RPL31: variants seen among roughly 807,000 people sequenced by gnomAD.
RPL31 encodes large ribosomal subunit protein eL31.
For synonymous variants in RPL31, 51 were observed against 55.0 expected (o/e 0.93, Z 0.32); for missense variants, 95 against 164.0 (o/e 0.58, Z 2.30).
chr2:101,004,343 C>T, intron 3 of RPL31, 60 bp downstream of exon 3: 8 of 1,581,324 alleles, frequency 5.1e-6, no homozygotes, highest in Non-Finnish European at 6.9e-6. Context: ...TTCACTTAAC[C>T]CTGCAAGAGC....
At chr2:101,011,931 T>A (rs753470008), downstream of RPL31, among the ~76,000 whole-genome samples, 2 of 152,234 alleles carry the variant, frequency 1.3e-5, no homozygotes, top group Non-Finnish European at 2.9e-5. Flanking sequence ...GTGGAGTAAT[T>A]GGTAATGATG....
At chr2:101,018,367 T>A (rs1679811988) in intron 4 of RPL31, 1 of 157,964 alleles carries the variant, frequency 6.3e-6, no homozygotes, top group Non-Finnish European at 1.4e-5. Context: ...GTGCTTTTTT[T>A]TAAAAAGCCA....
intron 4 of RPL31, chr2:101,017,996 C>T: frequency 1.1e-5 from 16 of 1,449,726 alleles, no homozygotes; most frequent in Non-Finnish European, 1.4e-5. Context: ...CCAATGCTCG[C>T]AATTCTACTT....
intron 4 of RPL31, among the ~76,000 whole-genome samples, chr2:101,016,137 A>G (rs1461343502): frequency 7.2e-5 from 11 of 152,358 alleles, no homozygotes; most frequent in African/African-American, 1.7e-4. Flanking sequence ...TGAACACGCA[A>G]TCTTCAAAAT....
At chr2:101,012,748 T>C (rs13017465) in intron 4 of RPL31, among the ~76,000 whole-genome samples, 28,597 of 152,212 alleles carry the variant, frequency 0.19, 2,906 homozygotes, top group Middle Eastern at 0.32. Flanking sequence ...AGGTTCCCCA[T>C]ATTTTAAAAA....
downstream of RPL31, among the ~76,000 whole-genome samples, chr2:101,009,020 T>C (rs1458537373): frequency 6.6e-6 from 1 of 152,176 alleles, no homozygotes; most frequent in Non-Finnish European, 1.5e-5. Flanking sequence ...GAGACACTGC[T>C]GCTGAAATTG....
chr2:101,006,194 G>A, intron 4 of RPL31, 123 bp downstream of exon 4: 1 of 1,508,948 alleles, frequency 6.6e-7, no homozygotes, highest in Non-Finnish European at 8.9e-7. Flanking sequence ...TAAATTGTTG[G>A]TGTGGGAAGA....
chr2:101,015,260 C>T (rs551898662), intron 4 of RPL31, among the ~76,000 whole-genome samples: 1 of 152,164 alleles, frequency 6.6e-6, no homozygotes, highest in Non-Finnish European at 1.5e-5. Context: ...AAATGGTATA[C>T]CTGTATAGAC....
At chr2:101,018,937 T>A in intron 4 of RPL31, 2 of 1,585,822 alleles carry the variant, frequency 1.3e-6, no homozygotes, top group Non-Finnish European at 1.7e-6. Context: ...TCTTCTGGAA[T>A]GCTCTTCGTC....
chr2:101,016,154 A>C (rs1679617602), intron 4 of RPL31, among the ~76,000 whole-genome samples: 1 of 152,258 alleles, frequency 6.6e-6, no homozygotes. Context: ...AAATGGGAGA[A>C]AATTTTCGCA....
At chr2:101,009,528 ACAT>A (rs370171391), downstream of RPL31, among the ~76,000 whole-genome samples, 10 of 152,210 alleles carry the variant, frequency 6.6e-5, 1 homozygote, top group African/African-American at 1.7e-4. Flanking sequence ...TTTGTTTGAA[ACAT>A]CATCTATAGA....
At chr2:101,008,837 A>T (rs542957669), downstream of RPL31, among the ~76,000 whole-genome samples, 6 of 152,240 alleles carry the variant, frequency 3.9e-5, no homozygotes, top group Admixed American at 6.5e-5. Context: ...AAACCACAGC[A>T]ACGTACAGAT....
chr2:101,004,394 T>TA (rs34386800), intron 3 of RPL31, 111 bp downstream of exon 3: 9,955 of 900,774 alleles, frequency 0.011, 1 homozygote, highest in East Asian at 0.023. Flanking sequence ...TGTGGAAGTA[T>TA]AAAAAAAAAA....
chr2:101,019,165 G>GCCA, exon 5 of RPL31: 5 of 1,343,552 alleles, frequency 3.7e-6, no homozygotes, highest in Non-Finnish European at 5.1e-6. Flanking sequence ...CTGGCAGAGG[G>GCCA]CCAGGCCTGT....
At chr2:101,018,077 T>TA (rs1679784588) in intron 4 of RPL31, 1 of 738,120 alleles carries the variant, frequency 1.4e-6, no homozygotes, top group Non-Finnish European at 2.2e-6. Flanking sequence ...TCTAGGCTAA[T>TA]GGGACTAGAT....
rs137999577 is a variant in RPL31, at chr2:101,018,944, C to T, written c.347-54C>T. On this transcript the variant is annotated intron_variant, in intron 4 of 4. Coordinates refer to the RPL31 transcript ENST00000409028. Reference sequence around the variant, plus strand: ...TGTCCTAATCTTCTGGAATGCTCTTCGTCTGTGTGTTACCTGACATGGTAC... The same window carrying T: ...TGTCCTAATCTTCTGGAATGCTCTTTGTCTGTGTGTTACCTGACATGGTAC... The T allele has an allele frequency of 7.6e-4, 1,216 of 1,593,146 alleles. 7 individuals carry two copies. The African/African-American group carries it at 8.6e-3, about 11-fold the overall frequency.
rs1332390463 is a variant in RPL31 at position 101,002,327 on chromosome 2, T to G, written c.-1+12T>G. The G allele has an allele frequency of 2.0e-5, 4 of 204,622 alleles. No homozygotes were observed. Among genetic ancestry groups the G allele is most frequent in the South Asian group, 8.8e-5 (1 of 11,418 alleles). The allele number at this position is 204,622 out of a possible 1,614,324, so 12.7% of individuals were successfully genotyped here. On this transcript the variant is annotated intron_variant, in intron 1 of 4. Transcript: ENST00000264258. ...TTGGACGCTGCAGAGTGAGTATGGG[T>G]GGCGGAGTCTGGGCTCCTGGAATCC... is the stretch of plus-strand genomic sequence containing the variant.
chr2:101,004,088 G>A, intron 2 of RPL31, 70 bp from the exon 3 acceptor site: 1 of 1,536,362 alleles, frequency 6.5e-7, no homozygotes, highest in Non-Finnish European at 8.9e-7. Flanking sequence ...CATCGACATT[G>A]AGGATTTCTC....
At position 101,015,458 on chromosome 2, in the gene RPL31, G is replaced by A. The variant is rs536108469; in HGVS notation, c.347-3540G>A. The stretch of plus-strand genomic sequence containing the variant: ...AATAATAAATTAACCTCAGCTTACT[G>A]TAACTTTTTACTTTATAAACTTTTT... On this transcript the variant is annotated intron_variant, in intron 4 of 4. Transcript: ENST00000409028. Among the ~76,000 whole-genome samples the A allele has an allele frequency of 3.3e-5, 5 of 152,276 alleles. No individual in the cohort carries two copies. In the East Asian group the frequency reaches 9.6e-4, roughly 29 times the overall value.
Sources: allele counts gnomAD v4.1 joint callset (sites outside exome capture counted in the v4.1 genomes callset), GRCh38; gene constraint gnomAD v4.1.1; transcripts MANE v1.5; gene names NCBI Gene and HGNC (gene_info 2026-07-23, HGNC 2026-07-21).